The following MACROD2 variants were observed in gnomAD, a reference collection of about 807,000 sequenced individuals.
MACROD2 encodes ADP-ribose glycohydrolase MACROD2.
In MACROD2, 36 loss-of-function variants were observed where a neutral mutation model predicts 70.4. That is an observed-to-expected ratio of 0.51 (90% confidence interval 0.39 to 0.68). MACROD2 has a LOEUF of 0.68. Among genes scored for constraint, MACROD2 ranks in the 30% least tolerant of loss-of-function variants. The pLI, the probability that MACROD2 is intolerant of heterozygous loss-of-function variation, is 0.00. For synonymous variants in MACROD2, 172 were observed against 178.8 expected, an observed-to-expected ratio of 0.96 and a Z score of 0.30; for missense variants, 496 against 538.4, an observed-to-expected ratio of 0.92 and a Z score of 0.78.
intron 8 of MACROD2, among the ~76,000 whole-genome samples, chr20:15,561,869 A>T (rs1445718407): frequency 6.6e-6 from 1 of 151,902 alleles, no homozygotes; most frequent in Non-Finnish European, 1.5e-5. Flanking sequence ...TCTCTGCTTG[A>T]CACCCTGTGT....
At chr20:14,925,815 A>G (rs1305153594) in intron 5 of MACROD2, among the ~76,000 whole-genome samples, 1 of 152,196 alleles carries the variant, frequency 6.6e-6, no homozygotes, top group Non-Finnish European at 1.5e-5. Context: ...ATCTCTAAAC[A>G]AGATTTCTTG....
intron 15 of MACROD2, among the ~76,000 whole-genome samples, chr20:16,031,471 G>A (rs1293159789): frequency 6.6e-6 from 1 of 151,952 alleles, no homozygotes; most frequent in Non-Finnish European, 1.5e-5. Context: ...AAATTCACTC[G>A]GAATTCATCC....
intron 3 of MACROD2, among the ~76,000 whole-genome samples, chr20:14,301,391 A>C (rs1029275796): frequency 1.3e-5 from 2 of 152,228 alleles, no homozygotes; most frequent in Non-Finnish European, 2.9e-5. Context: ...AACATAAACT[A>C]TCTGCACTGG....
intron 5 of MACROD2, among the ~76,000 whole-genome samples, chr20:15,055,665 ATT>A (rs1212216523): frequency 6.6e-6 from 1 of 152,152 alleles, no homozygotes; most frequent in Non-Finnish European, 1.5e-5. Flanking sequence ...TGGATGGAAT[ATT>A]GTAATGGATA....
intron 5 of MACROD2, among the ~76,000 whole-genome samples, chr20:15,122,043 GTTTTTAA>G (rs777388003): frequency 2.0e-5 from 3 of 151,942 alleles, no homozygotes; most frequent in Non-Finnish European, 4.4e-5. Context: ...GTTTCCCATT[GTTTTTAA>G]TGTGCTTTTC....
chr20:15,975,740 C>T (rs896005307), intron 13 of MACROD2, among the ~76,000 whole-genome samples: 1 of 152,140 alleles, frequency 6.6e-6, no homozygotes, highest in Non-Finnish European at 1.5e-5. Context: ...ATAAAATTAT[C>T]CACAATTCTC....
intron 3 of MACROD2, among the ~76,000 whole-genome samples, chr20:14,224,125 T>A (rs35323073): frequency 0.71 from 90,951 of 127,858 alleles, 29,024 homozygotes; most frequent in Non-Finnish European, 0.77. Context: ...ATCAATCACA[T>A]CTAAAAAACA....
At chr20:15,934,968 C>T (rs1163388702) in intron 11 of MACROD2, among the ~76,000 whole-genome samples, 1 of 151,170 alleles carries the variant, frequency 6.6e-6, no homozygotes, top group Admixed American at 6.6e-5. Context: ...TGATTACAGG[C>T]ACGAGCCACC....
chr20:14,393,920 C>G (rs1353386620), intron 3 of MACROD2, among the ~76,000 whole-genome samples: 1 of 152,116 alleles, frequency 6.6e-6, no homozygotes, highest in Non-Finnish European at 1.5e-5. Flanking sequence ...AGCTTTCCTT[C>G]TCTACCATAT....
rs147297628 is a variant in MACROD2, at chr20:15,074,590, T to A, written c.419-155350T>A. Among the ~76,000 whole-genome samples the A allele has an allele frequency of 2.5e-3, 381 of 152,306 alleles. 3 individuals carry two copies. The highest frequency in any genetic ancestry group is 9.0e-3 in the African/African-American group (374 of 41,558). ...CTTACATTTGAAGCCAGGGGGACAG[T>A]CTTGTGGGACTGAAACCTGAACCTG... On this transcript the variant is annotated intron_variant, in intron 5 of 17. Transcript: ENST00000684519.
chr20:15,605,298 C>A (rs1336044281), intron 8 of MACROD2, among the ~76,000 whole-genome samples: 1 of 152,046 alleles, frequency 6.6e-6, no homozygotes, highest in East Asian at 1.9e-4. Context: ...ACTCTCCTGT[C>A]TTGGGGCATC....
At chr20:15,807,338 G>T (rs2063778447) in intron 8 of MACROD2, among the ~76,000 whole-genome samples, 4 of 152,204 alleles carry the variant, frequency 2.6e-5, no homozygotes, top group Admixed American at 2.6e-4. Flanking sequence ...TAATAAGGCT[G>T]TGGATCATTA....
chr20:14,245,302 G>A (rs559749764), intron 3 of MACROD2, among the ~76,000 whole-genome samples: 2 of 151,066 alleles, frequency 1.3e-5, no homozygotes, highest in South Asian at 4.2e-4. Flanking sequence ...GGTGGAGCTT[G>A]CAGTGAGCCG....
chr20:15,387,549 A>G (rs1051828693), intron 6 of MACROD2, among the ~76,000 whole-genome samples: 1 of 144,362 alleles, frequency 6.9e-6, no homozygotes, highest in Non-Finnish European at 1.5e-5. Flanking sequence ...TTCTCTCTCA[A>G]TTACATCTTT....
intron 5 of MACROD2, among the ~76,000 whole-genome samples, chr20:14,948,571 C>G (rs2423868): frequency 0.35 from 53,763 of 151,924 alleles, 9,894 homozygotes; most frequent in Middle Eastern, 0.41. Flanking sequence ...CGTTCTAATG[C>G]CAACACAGAC....
intron 5 of MACROD2, among the ~76,000 whole-genome samples, chr20:14,701,622 A>G (rs2123636914): frequency 6.6e-6 from 1 of 152,306 alleles, no homozygotes; most frequent in East Asian, 1.9e-4. Context: ...GCTGCAATTC[A>G]TTAGATTTTT....
chr20:15,549,034 G>T (rs1327826873), intron 8 of MACROD2, among the ~76,000 whole-genome samples: 1 of 152,164 alleles, frequency 6.6e-6, no homozygotes, highest in Non-Finnish European at 1.5e-5. Flanking sequence ...GGCAAAAACT[G>T]CCCAGTCAAG....
chr20:15,701,965 T>C (rs1401079007), intron 8 of MACROD2, among the ~76,000 whole-genome samples: 2 of 152,238 alleles, frequency 1.3e-5, no homozygotes, highest in East Asian at 1.9e-4. Flanking sequence ...GGCCTCTAGC[T>C]GCATCCATGG....
intron 3 of MACROD2, among the ~76,000 whole-genome samples, chr20:14,397,077 C>T (rs1263400077): frequency 4.8e-5 from 7 of 145,760 alleles, no homozygotes; most frequent in Non-Finnish European, 4.5e-5. Context: ...TCACTGCAAG[C>T]TCCGCCTTCT....
Sources: allele counts gnomAD v4.1 joint callset (sites outside exome capture counted in the v4.1 genomes callset), GRCh38; gene constraint gnomAD v4.1.1; transcripts MANE v1.5; gene names NCBI Gene and HGNC (gene_info 2026-07-23, HGNC 2026-07-21).